Variants in ELOVL6 observed in about 807,000 individuals in gnomAD.
The protein encoded by ELOVL6 is ELOVL fatty acid elongase 6.
In ELOVL6, 8 loss-of-function variants were observed where a neutral mutation model predicts 31.7. The ratio of observed to expected loss-of-function variants is 0.25; its 90% confidence interval spans 0.15 to 0.45. The LOEUF is 0.45. Ranked by LOEUF, ELOVL6 falls within the 20% of genes least tolerant of loss-of-function variation. The pLI is 1.00. For synonymous variants in ELOVL6, 101 were observed against 117.7 expected, an observed-to-expected ratio of 0.86 and a Z score of 0.92; for missense variants, 126 against 326.4, an observed-to-expected ratio of 0.39 and a Z score of 4.73.
chr4:110,145,399 T>G (rs1210196269), intron 1 of ELOVL6, among the ~76,000 whole-genome samples: 2 of 152,112 alleles, frequency 1.3e-5, no homozygotes, highest in Non-Finnish European at 2.9e-5. Flanking sequence ...ACTCCGGAAA[T>G]TACCTGGAAG....
intron 2 of ELOVL6, among the ~76,000 whole-genome samples, chr4:110,067,761 T>C (rs1193014784): frequency 6.6e-6 from 1 of 152,222 alleles, no homozygotes; most frequent in East Asian, 1.9e-4. Flanking sequence ...GTACATTTTT[T>C]TAAAGGTTAT....
At chr4:110,090,192 C>CTT (rs893498238) in intron 2 of ELOVL6, among the ~76,000 whole-genome samples, 1 of 152,140 alleles carries the variant, frequency 6.6e-6, no homozygotes, top group African/African-American at 2.4e-5. Context: ...TCTCTCAAAT[C>CTT]TTTTTCTCAC....
At chr4:110,160,081 G>C (rs975965139) in intron 1 of ELOVL6, among the ~76,000 whole-genome samples, 1 of 151,802 alleles carries the variant, frequency 6.6e-6, no homozygotes, top group Non-Finnish European at 1.5e-5. Flanking sequence ...ACACATGAGG[G>C]TTTGCTTACA....
intron 1 of ELOVL6, among the ~76,000 whole-genome samples, chr4:110,119,850 A>G (rs574044098): frequency 6.6e-6 from 1 of 152,300 alleles, no homozygotes; most frequent in Non-Finnish European, 1.5e-5. Flanking sequence ...GTTTCTCTTT[A>G]CTGCCAGGTT....
intron 1 of ELOVL6, among the ~76,000 whole-genome samples, chr4:110,171,411 AAAATAAATAAATAAAT>A (rs59222203): frequency 1.4e-5 from 2 of 146,408 alleles, no homozygotes; most frequent in Non-Finnish European, 3.0e-5. Context: ...CTCCATCTCA[AAAATAAATAAATAAAT>A]AAATAAATAA....
chr4:110,142,373 A>G (rs1757990696), intron 1 of ELOVL6, among the ~76,000 whole-genome samples: 1 of 152,078 alleles, frequency 6.6e-6, no homozygotes. Context: ...GTAACGTCCA[A>G]GGATTAAAGG....
intron 1 of ELOVL6, among the ~76,000 whole-genome samples, chr4:110,126,625 T>C (rs1400871880): frequency 6.6e-6 from 1 of 152,152 alleles, no homozygotes; most frequent in African/African-American, 2.4e-5. Context: ...AACTAAGCAT[T>C]TTTACCAGCT....
chr4:110,124,922 C>CA (rs1014005670), intron 1 of ELOVL6, among the ~76,000 whole-genome samples: 1 of 151,994 alleles, frequency 6.6e-6, no homozygotes, highest in Non-Finnish European at 1.5e-5. Flanking sequence ...CTGACAAGGA[C>CA]AAAAAATAGG....
intron 3 of ELOVL6, among the ~76,000 whole-genome samples, chr4:110,052,002 A>G (rs1206358160): frequency 2.6e-5 from 4 of 152,212 alleles, no homozygotes; most frequent in Non-Finnish European, 5.9e-5. Flanking sequence ...GAATCACCTG[A>G]GGATTAAGTA....
At chr4:110,153,584 C>T (rs1461221765) in intron 1 of ELOVL6, among the ~76,000 whole-genome samples, 1 of 152,160 alleles carries the variant, frequency 6.6e-6, no homozygotes, top group Non-Finnish European at 1.5e-5. Context: ...ATAAATGCTC[C>T]TTTCAGATTC....
In ELOVL6 at chr4:110,145,726, CACCGATAACAAAAT is replaced by C. The variant is rs1256512734; in HGVS notation, c.90-40112_90-40099del. Among the ~76,000 whole-genome samples the C allele has an allele frequency of 4.5e-4, 68 of 151,290 alleles. 2 individuals carry two copies. The highest frequency in any genetic ancestry group is 1.5e-5 in the Non-Finnish European group (1 of 67,836). Reference sequence around the variant, plus strand: ...AAAAAAAAACACAAAACAAAGAAACCACCGATAACAAAATATGTCACTCCTAGAAATATTGTGAT... The same window carrying C: ...AAAAAAAAACACAAAACAAAGAAACCATGTCACTCCTAGAAATATTGTGAT... On this transcript the variant is annotated intron_variant, in intron 1 of 3. Coordinates refer to ENST00000302274, the MANE Select transcript of ELOVL6 (RefSeq NM_024090.3).
intron 2 of ELOVL6, among the ~76,000 whole-genome samples, chr4:110,095,778 CAA>C (rs1215650352): frequency 6.7e-6 from 1 of 150,248 alleles, no homozygotes; most frequent in Non-Finnish European, 1.5e-5. Context: ...TGTGAACTGA[CAA>C]AGACCATAAT....
chr4:110,115,484 C>T (rs1442175304), intron 1 of ELOVL6, among the ~76,000 whole-genome samples: 2 of 152,114 alleles, frequency 1.3e-5, no homozygotes, highest in African/African-American at 2.4e-5. Context: ...TGGCTCATGC[C>T]TGTAATCCCA....
chr4:110,098,151 A>T (rs1756642665), intron 2 of ELOVL6, among the ~76,000 whole-genome samples: 1 of 152,136 alleles, frequency 6.6e-6, no homozygotes, highest in Non-Finnish European at 1.5e-5. Flanking sequence ...AAGTCCCCCA[A>T]ATCATCCTTC....
intron 2 of ELOVL6, 90 bp from the exon 3 acceptor site, chr4:110,059,844 G>T: frequency 9.2e-7 from 1 of 1,084,810 alleles, no homozygotes; most frequent in Non-Finnish European, 1.3e-6. Context: ...TTGGCCACTG[G>T]CAGGAAATAG....
chr4:110,177,586 T>G (rs998951493), intron 1 of ELOVL6, among the ~76,000 whole-genome samples: 15 of 152,226 alleles, frequency 9.9e-5, no homozygotes, highest in African/African-American at 3.4e-4. Flanking sequence ...TTCTTTCTGC[T>G]TGAGATGCTT....
chr4:110,165,067 C>T (rs1758736587), intron 1 of ELOVL6, among the ~76,000 whole-genome samples: 1 of 152,100 alleles, frequency 6.6e-6, no homozygotes, highest in Admixed American at 6.5e-5. Flanking sequence ...CTTTATCATG[C>T]CACCCAAATT....
At chr4:110,071,777 C>T (rs1755491182) in intron 2 of ELOVL6, among the ~76,000 whole-genome samples, 1 of 152,170 alleles carries the variant, frequency 6.6e-6, no homozygotes, top group Non-Finnish European at 1.5e-5. Flanking sequence ...TGCTCAAATA[C>T]CACCACTGAA....
At chr4:110,116,759 T>G (rs993861793) in intron 1 of ELOVL6, among the ~76,000 whole-genome samples, 8 of 152,202 alleles carry the variant, frequency 5.3e-5, no homozygotes, top group African/African-American at 1.9e-4. Flanking sequence ...AGTTGTTTTA[T>G]CCTTCCTCTC....
Sources: gnomAD v4.1 joint callset for allele counts (sites outside exome capture counted in the v4.1 genomes callset) on GRCh38, gnomAD v4.1.1 for gene constraint, MANE v1.5 for transcripts, NCBI Gene and HGNC (gene_info 2026-07-23, HGNC 2026-07-21) for gene names.